The following AKAP19 variants were observed in gnomAD, a reference collection of about 807,000 sequenced individuals.
The protein encoded by AKAP19 is small A-kinase anchoring protein.
the AKAP19 span, among the ~76,000 whole-genome samples, chr2:189,967,632 T>A: frequency 1.3e-5 from 2 of 151,894 alleles, no homozygotes; most frequent in African/African-American, 4.8e-5. Flanking sequence ...AGCAAAATGA[T>A]CCTATATAAA....
chr2:189,908,641 T>A, the AKAP19 span, among the ~76,000 whole-genome samples: 1 of 152,376 alleles, frequency 6.6e-6, no homozygotes, highest in South Asian at 2.1e-4. Context: ...TGTAATTTAA[T>A]GTCCACGTAT....
the AKAP19 span, among the ~76,000 whole-genome samples, chr2:189,967,978 GA>G: frequency 4.6e-5 from 7 of 151,972 alleles, no homozygotes; most frequent in Admixed American, 1.3e-4. Flanking sequence ...TGTAATTCAG[GA>G]AAAAAAATTT....
the AKAP19 span, among the ~76,000 whole-genome samples, chr2:190,129,362 G>T: frequency 2.0e-5 from 3 of 152,262 alleles, no homozygotes; most frequent in South Asian, 4.1e-4. Context: ...AAATGATTTT[G>T]TGAATATCTT....
the AKAP19 span, among the ~76,000 whole-genome samples, chr2:190,113,801 G>A: frequency 1.3e-5 from 2 of 152,048 alleles, no homozygotes; most frequent in African/African-American, 4.8e-5. Flanking sequence ...CCCATAAATT[G>A]GCTTTCCTTC....
the AKAP19 span, among the ~76,000 whole-genome samples, chr2:190,003,263 CTT>C: frequency 5.9e-5 from 9 of 152,004 alleles, no homozygotes; most frequent in South Asian, 4.2e-4. Flanking sequence ...TTTTTCATCT[CTT>C]ATAATTTTTA....
chr2:189,949,795 C>T, the AKAP19 span, among the ~76,000 whole-genome samples: 1 of 151,214 alleles, frequency 6.6e-6, no homozygotes, highest in African/African-American at 2.4e-5. Flanking sequence ...CCATGCCCAA[C>T]CAATTTTTGT....
At chr2:190,076,358 T>G in the AKAP19 span, among the ~76,000 whole-genome samples, 1 of 152,104 alleles carries the variant, frequency 6.6e-6, no homozygotes, top group African/African-American at 2.4e-5. Flanking sequence ...TTGCCAAAAG[T>G]TTTCTGGGGG....
At chr2:189,938,608 CA>C in the AKAP19 span, among the ~76,000 whole-genome samples, 7 of 151,830 alleles carry the variant, frequency 4.6e-5, no homozygotes, top group Admixed American at 1.3e-4. Flanking sequence ...TTAATGGTTA[CA>C]AAAAAATATT....
the AKAP19 span, among the ~76,000 whole-genome samples, chr2:189,920,975 A>G: frequency 3.3e-5 from 5 of 152,272 alleles, no homozygotes; most frequent in East Asian, 1.9e-4. Flanking sequence ...TCTACTTTAT[A>G]TCATCAGGAA....
chr2:190,095,130 G>A, the AKAP19 span, among the ~76,000 whole-genome samples: 8 of 152,150 alleles, frequency 5.3e-5, no homozygotes, highest in Non-Finnish European at 1.2e-4. Context: ...GGCTGAGACA[G>A]GAGAATCCTT....
chr2:190,169,581 T>A, the AKAP19 span, among the ~76,000 whole-genome samples: 21 of 152,358 alleles, frequency 1.4e-4, no homozygotes, highest in Non-Finnish European at 2.6e-4. Context: ...AGGCTTCTTA[T>A]GAACAAATAA....
At chr2:190,036,733 A>C in the AKAP19 span, among the ~76,000 whole-genome samples, 5 of 152,186 alleles carry the variant, frequency 3.3e-5, no homozygotes. Flanking sequence ...TCAACATTTC[A>C]CTTTCAGCTG....
the AKAP19 span, among the ~76,000 whole-genome samples, chr2:190,152,544 T>A: frequency 6.6e-6 from 1 of 152,262 alleles, no homozygotes; most frequent in Non-Finnish European, 1.5e-5. Flanking sequence ...CATTATAGTA[T>A]GTTTAAACCC....
the AKAP19 span, among the ~76,000 whole-genome samples, chr2:190,011,699 A>G: frequency 3.3e-5 from 5 of 152,222 alleles, no homozygotes; most frequent in African/African-American, 4.8e-5. Context: ...TCCTTTTCCC[A>G]TTATGTATTC....
the AKAP19 span, among the ~76,000 whole-genome samples, chr2:189,909,219 T>TA: frequency 1.3e-5 from 2 of 151,818 alleles, no homozygotes; most frequent in Non-Finnish European, 2.9e-5. Context: ...TATATATATA[T>TA]TTTTTCTTTG....
the AKAP19 span, among the ~76,000 whole-genome samples, chr2:190,043,327 AC>A: frequency 6.6e-6 from 1 of 152,170 alleles, no homozygotes; most frequent in African/African-American, 2.4e-5. Flanking sequence ...TTTCTGGGAT[AC>A]CAGTGATTCA....
chr2:190,146,595 TG>T, the AKAP19 span, among the ~76,000 whole-genome samples: 159 of 152,356 alleles, frequency 1.0e-3, no homozygotes, highest in African/African-American at 3.7e-3. Flanking sequence ...CCATAGCAGC[TG>T]TACTAGTTTA....
the AKAP19 span, among the ~76,000 whole-genome samples, chr2:189,933,248 T>C: frequency 6.6e-6 from 1 of 152,196 alleles, no homozygotes; most frequent in African/African-American, 2.4e-5. Context: ...GTATCTCTCA[T>C]AAAGACTTCT....
chr2:190,132,698 G>C, the AKAP19 span, among the ~76,000 whole-genome samples: 2 of 151,938 alleles, frequency 1.3e-5, no homozygotes, highest in South Asian at 4.1e-4. Flanking sequence ...AAAACACAGG[G>C]GGAAAGCTCT....
Sources: allele counts gnomAD v4.1 joint callset (sites outside exome capture counted in the v4.1 genomes callset), GRCh38; gene constraint gnomAD v4.1.1; transcripts MANE v1.5; gene names NCBI Gene and HGNC (gene_info 2026-07-23, HGNC 2026-07-21).